Variants in KIF13B observed in about 807,000 individuals in gnomAD.
The protein encoded by KIF13B is kinesin-like protein KIF13B.
KIF13B carries 127 observed loss-of-function variants against 222.0 expected under a neutral mutation model. The ratio of observed to expected loss-of-function variants is 0.57; its 90% CI spans 0.50 to 0.66. The LOEUF (loss-of-function observed/expected upper bound fraction) is 0.66. KIF13B is among the 30% of genes least tolerant of loss of function. The pLI, the probability that KIF13B is intolerant of heterozygous loss-of-function variation, is 0.00. For missense variants in KIF13B, 2,173 were observed against 2,379.0 expected (o/e 0.91, Z 1.80); for synonymous variants, 976 against 919.0 (o/e 1.06, Z -1.12).
At chr8:29,192,410 T>G (rs1453520203) in intron 3 of KIF13B, among the ~76,000 whole-genome samples, 1 of 152,114 alleles carries the variant, frequency 6.6e-6, no homozygotes, top group East Asian at 1.9e-4. Context: ...TATATGTTGT[T>G]GTTGTGTTTT....
intron 38 of KIF13B, among the ~76,000 whole-genome samples, chr8:29,074,387 C>T (rs1420074682): frequency 6.6e-6 from 1 of 152,254 alleles, no homozygotes; most frequent in Admixed American, 6.5e-5. Context: ...ACTGGCACTC[C>T]AGGCCCCATC....
chr8:29,262,375 A>G (rs1359216000), intron 1 of KIF13B, among the ~76,000 whole-genome samples: 1 of 152,226 alleles, frequency 6.6e-6, no homozygotes, highest in African/African-American at 2.4e-5. Context: ...TCAACTGTCC[A>G]AAAACAACGA....
At position 29,148,727 on chromosome 8, in the gene KIF13B, C is replaced by T; in HGVS notation, c.1663G>A (p.Asp555Asn). 1 of 1,603,928 alleles carries T rather than the reference C, an allele frequency of 6.2e-7. No individual in the cohort carries two copies. The highest frequency in any genetic ancestry group is 8.5e-7 in the Non-Finnish European group (1 of 1,175,950). The change falls in exon 16 of 40, where the codon GAT becomes AAT. Residue 555 changes from aspartate (D) to asparagine (N), a missense_variant. Physicochemically the swap from Asp to Asn is conservative, Grantham distance 23. Transcript: ENST00000524189. ...TTCATGGAGGGATCCTGGTCCTCAT[C>T]CTCTCGTTCTGCTTTCTTTTTCTTT... is the stretch of plus-strand genomic sequence containing the variant. ...PKKKKKAERE[D>N]EDQDPSMKNE...
chr8:29,227,697 C>T (rs1001415507), intron 2 of KIF13B, among the ~76,000 whole-genome samples: 6 of 151,802 alleles, frequency 4.0e-5, no homozygotes, highest in African/African-American at 1.5e-4. Flanking sequence ...GCCTGTAATC[C>T]CAGGGCTTTG....
chr8:29,116,753 G>A, intron 31 of KIF13B, 78 bp downstream of exon 31: 1 of 1,366,622 alleles, frequency 7.3e-7, no homozygotes, highest in Non-Finnish European at 1.0e-6. Context: ...TTGGACAGAA[G>A]GTTAACAGCA....
At chr8:29,117,178 C>G (rs1481467643) in intron 30 of KIF13B, among the ~76,000 whole-genome samples, 171 bp from the exon 31 acceptor site, 1 of 152,208 alleles carries the variant, frequency 6.6e-6, no homozygotes, top group Non-Finnish European at 1.5e-5. Context: ...TGGCCACAAT[C>G]ACCTTAGCCT....
chr8:29,221,969 A>G (rs1350265023), intron 2 of KIF13B, among the ~76,000 whole-genome samples: 2 of 152,148 alleles, frequency 1.3e-5, no homozygotes, highest in Non-Finnish European at 2.9e-5. Flanking sequence ...CCATGAATTC[A>G]TATTTCTATT....
At position 29,109,529 on chromosome 8, in the gene KIF13B, T is replaced by C. The variant is rs1282996539; in HGVS notation, c.4084-18A>G. On this transcript the variant is annotated intron_variant, in intron 33 of 39. Coordinates refer to ENST00000524189, the MANE Select transcript of KIF13B (RefSeq NM_015254.4). ...GCAACTTCCTGTGAATCAGAAAACA[T>C]ACAGAGGAAAAAGACATGTAAGAGA... 4 of 1,608,174 alleles carry C rather than the reference T, an allele frequency of 2.5e-6. No individual in the cohort carries two copies. Among genetic ancestry groups the C allele is most frequent in the Non-Finnish European group, 3.4e-6 (4 of 1,174,696 alleles).
At chr8:29,122,724 G>A in intron 28 of KIF13B, 78 bp from the exon 29 acceptor site, 1 of 1,132,266 alleles carries the variant, frequency 8.8e-7, no homozygotes, top group Non-Finnish European at 1.3e-6. Flanking sequence ...AGCCTTAATG[G>A]CATTCAGGGC....
chr8:29,148,546 T>C (rs34477845), intron 16 of KIF13B, 31 bp downstream of exon 16: 256,435 of 1,511,332 alleles, frequency 0.17, 23,622 homozygotes, highest in Admixed American at 0.35. Context: ...CAACTGGAAC[T>C]GATTCTCAAG....
At chr8:29,148,933 G>A (rs1025537479) in intron 15 of KIF13B, among the ~76,000 whole-genome samples, 166 bp from the exon 16 acceptor site, 1 of 152,182 alleles carries the variant, frequency 6.6e-6, no homozygotes, top group Non-Finnish European at 1.5e-5. Flanking sequence ...AGACACTCAT[G>A]TGCCAGCAAA....
At chr8:29,112,431 CAAAAAAA>C (rs34908319) in intron 32 of KIF13B, among the ~76,000 whole-genome samples, 2 of 78,288 alleles carry the variant, frequency 2.6e-5, no homozygotes, top group African/African-American at 5.2e-5. Context: ...GACTCAGTCT[CAAAAAAA>C]AAAAAAAAAA....
intron 2 of KIF13B, among the ~76,000 whole-genome samples, chr8:29,236,650 T>C (rs1426319646): frequency 6.6e-6 from 1 of 152,158 alleles, no homozygotes. Context: ...AGTTTTTACT[T>C]AATTAAAAGT....
At chr8:29,210,120 T>A (rs1211699694) in intron 2 of KIF13B, among the ~76,000 whole-genome samples, 1 of 149,246 alleles carries the variant, frequency 6.7e-6, no homozygotes, top group Non-Finnish European at 1.5e-5. Context: ...GTAGGAAGAG[T>A]AGTCAGACTA....
chr8:29,193,433 G>T (rs924879655), intron 3 of KIF13B, among the ~76,000 whole-genome samples: 6 of 152,170 alleles, frequency 3.9e-5, no homozygotes, highest in Admixed American at 1.3e-4. Flanking sequence ...CATTACAGCA[G>T]AGTAGGAGTA....
chr8:29,123,953 G>A, intron 27 of KIF13B, 71 bp downstream of exon 27: 1 of 918,190 alleles, frequency 1.1e-6, no homozygotes, highest in South Asian at 1.5e-5. Flanking sequence ...AACTGATGTG[G>A]CTACAAAGGG....
intron 2 of KIF13B, among the ~76,000 whole-genome samples, chr8:29,202,416 CAA>C (rs1303343247): frequency 6.6e-6 from 1 of 152,150 alleles, no homozygotes; most frequent in Non-Finnish European, 1.5e-5. Context: ...CTTCTGGGTT[CAA>C]GCGATTCTTC....
intron 30 of KIF13B, 84 bp from the exon 31 acceptor site, chr8:29,117,091 C>T (rs1809640010): frequency 1.6e-6 from 2 of 1,265,894 alleles, no homozygotes; most frequent in East Asian, 2.4e-5. Flanking sequence ...TTGGCTCAGG[C>T]TGAAAGGGCA....
intron 10 of KIF13B, among the ~76,000 whole-genome samples, chr8:29,168,488 G>C (rs1043981542): frequency 6.6e-6 from 1 of 152,190 alleles, no homozygotes; most frequent in African/African-American, 2.4e-5. Context: ...CTTATTCATC[G>C]GTCTCCAAGG....
Sources: allele counts gnomAD v4.1 joint callset (sites outside exome capture counted in the v4.1 genomes callset), GRCh38; gene constraint gnomAD v4.1.1; transcripts MANE v1.5; gene names NCBI Gene and HGNC (gene_info 2026-07-23, HGNC 2026-07-21).